Variants in AZIN1 observed in about 807,000 individuals in gnomAD.
The protein encoded by AZIN1 is ornithine decarboxylase antizyme inhibitor.
AZIN1 carries 12 observed loss-of-function variants against 47.4 expected under a neutral mutation model. The ratio of observed to expected loss-of-function variants is 0.25; its 90% CI spans 0.16 to 0.41. AZIN1 has a LOEUF of 0.41. AZIN1 is among the 10% of genes least tolerant of loss of function. The pLI is 1.00. For synonymous variants in AZIN1, 155 were observed against 176.3 expected (o/e 0.88, Z 0.96); for missense variants, 410 against 532.4 (o/e 0.77, Z 2.26).
intron 2 of AZIN1, among the ~76,000 whole-genome samples, chr8:102,848,323 C>CAAAAAAAAAA (rs60663839): frequency 3.3e-5 from 3 of 91,584 alleles, no homozygotes; most frequent in Non-Finnish European, 4.3e-5. Context: ...ACTAAAAGGC[C>CAAAAAAAAAA]AAAAAAAAAA....
chr8:102,855,217 C>T (rs1396802987), intron 2 of AZIN1, among the ~76,000 whole-genome samples: 2 of 152,096 alleles, frequency 1.3e-5, no homozygotes, highest in Non-Finnish European at 2.9e-5. Context: ...CCACGACGCT[C>T]GACTAATTTT....
At chr8:102,853,239 GC>G (rs1813036705) in intron 2 of AZIN1, among the ~76,000 whole-genome samples, 1 of 152,234 alleles carries the variant, frequency 6.6e-6, no homozygotes, top group South Asian at 2.1e-4. Context: ...GCGCAGTGGC[GC>G]ATGCCTGTAA....
chr8:102,837,078 CCAGCT>C (rs1324181343), intron 5 of AZIN1, among the ~76,000 whole-genome samples: 3 of 152,038 alleles, frequency 2.0e-5, no homozygotes, highest in Non-Finnish European at 4.4e-5. Flanking sequence ...ACCACCACGC[CCAGCT>C]AATTTTTTTT....
chr8:102,833,727 C>T (rs1033415103), intron 8 of AZIN1, among the ~76,000 whole-genome samples: 2 of 149,780 alleles, frequency 1.3e-5, no homozygotes, highest in Non-Finnish European at 3.0e-5. Flanking sequence ...GTTCCGAGAC[C>T]AGCCTGGGCA....
chr8:102,828,916 C>T (rs934131129), intron 11 of AZIN1, among the ~76,000 whole-genome samples: 35 of 152,196 alleles, frequency 2.3e-4, no homozygotes, highest in African/African-American at 8.2e-4. Flanking sequence ...CTCGTTACAT[C>T]GCAGCAATCA....
chr8:102,854,735 T>G (rs1438458770), intron 2 of AZIN1, among the ~76,000 whole-genome samples: 1 of 151,384 alleles, frequency 6.6e-6, no homozygotes, highest in African/African-American at 2.4e-5. Context: ...AATGCTGATG[T>G]TCTTCTGAAG....
chr8:102,839,304 G>A (rs915190698), intron 4 of AZIN1, among the ~76,000 whole-genome samples: 6 of 152,174 alleles, frequency 3.9e-5, no homozygotes, highest in Non-Finnish European at 2.9e-5. Flanking sequence ...GTTAGCCATC[G>A]CTCCTGGCCT....
intron 2 of AZIN1, among the ~76,000 whole-genome samples, chr8:102,852,505 G>A (rs1490763700): frequency 1.3e-5 from 2 of 152,114 alleles, no homozygotes; most frequent in African/African-American, 4.8e-5. Context: ...AACTAAGGAG[G>A]CAGAAGTTGC....
rs1167121425 is a variant in AZIN1, at chr8:102,843,668, C to G, written c.-16G>C. 1.9e-6 allele frequency: 3 copies of G among 1,613,812 alleles called. No individual in the cohort carries two copies. The highest frequency in any genetic ancestry group is 2.5e-6 in the Non-Finnish European group (3 of 1,179,898). Reference sequence around the variant, plus strand: ...ATCCTTTCATCTCAGCCGTATTCCACAAAGCCGAAAGTCATAAACCAGGAA... The same window carrying G: ...ATCCTTTCATCTCAGCCGTATTCCAGAAAGCCGAAAGTCATAAACCAGGAA... On this transcript the variant is annotated 5_prime_UTR_variant, in exon 3 of 12. Coordinates refer to ENST00000337198, the MANE Select transcript of AZIN1 (RefSeq NM_148174.4).
In AZIN1 at chr8:102,828,683, G is replaced by T; in HGVS notation, c.1236-5C>A. 1 of 1,581,974 alleles carries T rather than the reference G, an allele frequency of 6.3e-7. No individual in the cohort carries two copies. Among genetic ancestry groups the T allele is most frequent in the Non-Finnish European group, 8.6e-7 (1 of 1,156,560 alleles). ...CCAGCATCTTGCATCTCATACCTACGTAGAAAAAAAATCAGCTAAATTCTC... is the reference window on the plus strand; with the variant it reads ...CCAGCATCTTGCATCTCATACCTACTTAGAAAAAAAATCAGCTAAATTCTC... On this transcript the variant is annotated splice_region_variant and splice_polypyrimidine_tract_variant and intron_variant, in intron 11 of 11. Transcript: ENST00000337198.
intron 8 of AZIN1, among the ~76,000 whole-genome samples, chr8:102,833,472 G>T (rs926293999): frequency 1.3e-5 from 2 of 150,270 alleles, no homozygotes; most frequent in African/African-American, 2.5e-5. Context: ...ATTTGTTTTT[G>T]TTTTTTTTTA....
At position 102,858,125 on chromosome 8, in the gene AZIN1, T is replaced by C. The variant is rs1368005355; in HGVS notation, c.-208A>G. The stretch of plus-strand genomic sequence containing the variant: ...CACTTCTCCTAGGCCCTCTGGGTAG[T>C]TGTATACTTGGTCAGAAAGTTCGCC... On this transcript the variant is annotated 5_prime_UTR_variant, in exon 2 of 12. Coordinates refer to ENST00000337198, the MANE Select transcript of AZIN1 (RefSeq NM_148174.4). 5.0e-6 allele frequency: 2 copies of C among 398,860 alleles called. No homozygotes were observed. Among genetic ancestry groups the C allele is most frequent in the Non-Finnish European group, 8.8e-6 (2 of 226,012 alleles). 24.7% of individuals were successfully genotyped at this position (398,860 alleles called of 1,614,324 possible). A position where few individuals can be genotyped will look rare whatever the true frequency, so the allele number is the denominator to read the frequency against.
intron 2 of AZIN1, among the ~76,000 whole-genome samples, chr8:102,850,865 A>C (rs1021373694): frequency 2.6e-5 from 4 of 152,190 alleles, no homozygotes; most frequent in African/African-American, 9.7e-5. Context: ...GAAATATATA[A>C]GGGGGCAAAA....
In AZIN1 at chr8:102,829,308, C is replaced by G. The variant is rs914411221; in HGVS notation, c.1199G>C (p.Arg400Thr). ...HEPSAFNDFQ[R>T]PAIYYMMSFS... ...TGACATCATGTAATAAATGGCTGGC[C>G]TCTGAAAATCATTAAAAGCAGATGG... The change falls in exon 11 of 12, where the codon AGG becomes ACG. Residue 400 changes from arginine to threonine, a missense_variant. Arg to Thr is a moderately conservative substitution (Grantham distance 71). Coordinates refer to ENST00000337198, the MANE Select transcript of AZIN1 (RefSeq NM_148174.4). The G allele has an allele frequency of 7.4e-6, 12 of 1,613,804 alleles. No homozygotes were observed. Among genetic ancestry groups the G allele is most frequent in the Non-Finnish European group, 9.3e-6 (11 of 1,179,828 alleles).
intron 3 of AZIN1, 60 bp downstream of exon 3, chr8:102,843,491 A>G: frequency 6.9e-7 from 1 of 1,448,022 alleles, no homozygotes; most frequent in Non-Finnish European, 9.7e-7. Context: ...TGGAAATTAA[A>G]AAGCACTCGT....
At chr8:102,844,842 C>T (rs1249278553) in intron 2 of AZIN1, among the ~76,000 whole-genome samples, 4 of 152,206 alleles carry the variant, frequency 2.6e-5, no homozygotes, top group Non-Finnish European at 4.4e-5. Context: ...TCCCTCTCCA[C>T]TCAAATCAAT....
intron 7 of AZIN1, 89 bp downstream of exon 7, chr8:102,834,577 G>C: frequency 1.0e-6 from 1 of 972,110 alleles, no homozygotes; most frequent in Non-Finnish European, 1.6e-6. Context: ...TGTAGTCAGA[G>C]TAATTCACAC....
At chr8:102,850,155 A>G (rs1260942048) in intron 2 of AZIN1, 1 of 152,246 alleles carries the variant, frequency 6.6e-6, no homozygotes, top group African/African-American at 2.4e-5. Context: ...CTGGAAGTAG[A>G]ACAGGGAGAG....
intron 8 of AZIN1, 90 bp from the exon 9 acceptor site, chr8:102,833,308 A>C: frequency 8.0e-7 from 1 of 1,246,928 alleles, no homozygotes; most frequent in South Asian, 1.5e-5. Context: ...ATTTTCTAGG[A>C]AAATGAAGCA....
Sources: gnomAD v4.1 joint callset for allele counts (sites outside exome capture counted in the v4.1 genomes callset) on GRCh38, gnomAD v4.1.1 for gene constraint, MANE v1.5 for transcripts, NCBI Gene and HGNC (gene_info 2026-07-23, HGNC 2026-07-21) for gene names.